The following RBFOX1 variants were observed in gnomAD, a reference collection of about 807,000 sequenced individuals.
RBFOX1 encodes the protein RNA binding fox-1 homolog 1.
RBFOX1 carries 8 observed loss-of-function variants against 57.7 expected under a neutral mutation model. The observed-to-expected ratio is 0.14, with a 90% CI of 0.08 to 0.25. The LOEUF (loss-of-function observed/expected upper bound fraction) is 0.25, where lower values mean the gene tolerates loss of function less well. Among genes scored for constraint, RBFOX1 ranks in the 10% least tolerant of loss-of-function variants. RBFOX1 has a pLI of 1.00. For missense variants in RBFOX1, 611 were observed against 548.5 expected, an observed-to-expected ratio of 1.11 and a Z score of -1.14; for synonymous variants, 326 against 222.4, an observed-to-expected ratio of 1.47 and a Z score of -4.15.
At chr16:7,646,521 T>C (rs1365514232) in intron 11 of RBFOX1, among the ~76,000 whole-genome samples, 1 of 152,248 alleles carries the variant, frequency 6.6e-6, no homozygotes, top group East Asian at 1.9e-4. Flanking sequence ...TGTGTCATTA[T>C]GGAGCAAAGG....
intron 1 of RBFOX1, among the ~76,000 whole-genome samples, chr16:6,058,799 C>T (rs1388328166): frequency 6.6e-6 from 1 of 150,472 alleles, no homozygotes; most frequent in Non-Finnish European, 1.5e-5. Context: ...TAATTATTTA[C>T]CCATCCATCC....
intron 4 of RBFOX1, among the ~76,000 whole-genome samples, chr16:7,060,775 C>T (rs1336731785): frequency 6.6e-6 from 1 of 152,162 alleles, no homozygotes; most frequent in Non-Finnish European, 1.5e-5. Context: ...TCGGCTGTTC[C>T]AGAATTCTCC....
At chr16:6,701,966 G>T (rs1369557389) in intron 3 of RBFOX1, among the ~76,000 whole-genome samples, 1 of 152,100 alleles carries the variant, frequency 6.6e-6, no homozygotes, top group Non-Finnish European at 1.5e-5. Flanking sequence ...TGGGAGGAGG[G>T]TGAGGCTCAA....
At chr16:6,813,502 C>T (rs989918385) in intron 3 of RBFOX1, among the ~76,000 whole-genome samples, 1 of 152,148 alleles carries the variant, frequency 6.6e-6, no homozygotes, top group African/African-American at 2.4e-5. Context: ...CTTTCCCCAG[C>T]CCTATGCTAT....
intron 2 of RBFOX1, among the ~76,000 whole-genome samples, chr16:6,534,143 A>C (rs1301047277): frequency 1.3e-5 from 2 of 152,174 alleles, no homozygotes; most frequent in African/African-American, 4.8e-5. Flanking sequence ...GAAAAAAGGG[A>C]AATTACCCAA....
At chr16:6,681,804 G>C (rs958139152) in intron 3 of RBFOX1, among the ~76,000 whole-genome samples, 2 of 152,062 alleles carry the variant, frequency 1.3e-5, no homozygotes, top group African/African-American at 2.4e-5. Context: ...GGAGATAATA[G>C]CTACCCTTTC....
intron 1 of RBFOX1, among the ~76,000 whole-genome samples, chr16:6,190,972 A>G (rs1422707648): frequency 2.0e-5 from 3 of 152,028 alleles, no homozygotes; most frequent in African/African-American, 4.8e-5. Flanking sequence ...GTCTAAATCC[A>G]GATCGGGCAG....
chr16:6,658,838 G>A (rs1004513317), intron 3 of RBFOX1, among the ~76,000 whole-genome samples: 2 of 152,048 alleles, frequency 1.3e-5, no homozygotes, highest in Admixed American at 6.5e-5. Context: ...CTCTCTCAGA[G>A]GGTGTCCTAG....
intron 4 of RBFOX1, among the ~76,000 whole-genome samples, chr16:7,439,175 G>C (rs892443600): frequency 6.6e-6 from 1 of 152,156 alleles, no homozygotes; most frequent in African/African-American, 2.4e-5. Context: ...TTCGCGCTGT[G>C]TCGTCTTCAC....
At chr16:5,827,947 ACCCAC>A (rs1248389096) in intron 3 of RBFOX1, among the ~76,000 whole-genome samples, 1 of 18,152 alleles carries the variant, frequency 5.5e-5, no homozygotes, top group Non-Finnish European at 1.2e-4. Flanking sequence ...CCACCCACCC[ACCCAC>A]CCACCTATCC....
chr16:6,196,460 A>C (rs2097180478), intron 1 of RBFOX1, among the ~76,000 whole-genome samples: 1 of 152,208 alleles, frequency 6.6e-6, no homozygotes, highest in Non-Finnish European at 1.5e-5. Flanking sequence ...CATGGGATAC[A>C]GTAGACAATA....
chr16:7,149,589 G>T (rs939491247), intron 4 of RBFOX1, among the ~76,000 whole-genome samples: 3 of 147,046 alleles, frequency 2.0e-5, no homozygotes, highest in Non-Finnish European at 4.5e-5. Flanking sequence ...AGGCTCAAAA[G>T]ATCCTCTCAC....
At chr16:6,880,427 C>T (rs931563078) in intron 3 of RBFOX1, among the ~76,000 whole-genome samples, 1 of 152,184 alleles carries the variant, frequency 6.6e-6, no homozygotes, top group African/African-American at 2.4e-5. Context: ...GACCCAGGTG[C>T]AGCCAATCAG....
chr16:6,049,221 G>A (rs1315397278), intron 1 of RBFOX1, among the ~76,000 whole-genome samples: 1 of 151,764 alleles, frequency 6.6e-6, no homozygotes, highest in Non-Finnish European at 1.5e-5. Context: ...CCACCACCAT[G>A]CCTGGCTAAT....
At chr16:6,458,416 C>G (rs1240493737) in intron 2 of RBFOX1, among the ~76,000 whole-genome samples, 2 of 152,204 alleles carry the variant, frequency 1.3e-5, no homozygotes, top group Non-Finnish European at 2.9e-5. Flanking sequence ...GAACCAGACT[C>G]ATTGATTTAT....
intron 5 of RBFOX1, among the ~76,000 whole-genome samples, chr16:7,569,041 T>C (rs2092472645): frequency 1.3e-5 from 2 of 152,124 alleles, no homozygotes; most frequent in South Asian, 2.1e-4. Flanking sequence ...AAGACTTTCT[T>C]TCTCTACTTT....
upstream of RBFOX1, among the ~76,000 whole-genome samples, chr16:6,018,678 C>A (rs79051575): frequency 0.03 from 4,609 of 152,220 alleles, 96 homozygotes; most frequent in Non-Finnish European, 0.05. Context: ...TGAAGACTTG[C>A]CAGAAAACTT....
intron 3 of RBFOX1, among the ~76,000 whole-genome samples, chr16:6,967,345 G>T (rs1301070865): frequency 6.6e-6 from 1 of 152,122 alleles, no homozygotes; most frequent in Non-Finnish European, 1.5e-5. Context: ...CAGCAGTGGG[G>T]TTGGCTCTCA....
At chr16:5,771,294 C>T (rs1287569667) in intron 3 of RBFOX1, among the ~76,000 whole-genome samples, 1 of 152,238 alleles carries the variant, frequency 6.6e-6, no homozygotes, top group South Asian at 2.1e-4. Flanking sequence ...GACTCTCCTT[C>T]TGAGGAGGGA....
Sources: gnomAD v4.1 joint callset for allele counts (sites outside exome capture counted in the v4.1 genomes callset) on GRCh38, gnomAD v4.1.1 for gene constraint, MANE v1.5 for transcripts, NCBI Gene and HGNC (gene_info 2026-07-23, HGNC 2026-07-21) for gene names.